The following TENM3 variants were observed in gnomAD, a reference collection of about 807,000 sequenced individuals.
The protein encoded by TENM3 is teneurin-3.
In TENM3, 63 loss-of-function variants were observed where a neutral mutation model predicts 255.1. That is an observed-to-expected ratio of 0.25 (90% confidence interval 0.20 to 0.30). TENM3 has a LOEUF of 0.30. TENM3 is among the 10% of genes least tolerant of loss of function. The probability of loss-of-function intolerance (pLI) is 1.00; values close to 1 mark genes in which losing one functional copy is unlikely to be tolerated. For missense variants in TENM3, 2,929 were observed against 3,461.1 expected, an observed-to-expected ratio of 0.85 and a Z score of 3.86; for synonymous variants, 1,306 against 1,322.3, an observed-to-expected ratio of 0.99 and a Z score of 0.27.
chr4:182,170,347 A>G (rs375831494), intron 1 of TENM3, among the ~76,000 whole-genome samples: 5 of 152,086 alleles, frequency 3.3e-5, no homozygotes, highest in African/African-American at 1.2e-4. Flanking sequence ...GCATTTAGCT[A>G]TTGTCTAAAC....
intron 22 of TENM3, among the ~76,000 whole-genome samples, chr4:182,771,675 T>C (rs889212077): frequency 6.6e-6 from 1 of 152,216 alleles, no homozygotes; most frequent in African/African-American, 2.4e-5. Context: ...TCAATAATTC[T>C]GTAACTCTGC....
chr4:182,050,471 TAAG>T, the TENM3 span, among the ~76,000 whole-genome samples: 1 of 152,026 alleles, frequency 6.6e-6, no homozygotes, highest in Admixed American at 6.5e-5. Context: ...CTGTGAAAAT[TAAG>T]AGGAGGAAAG....
At chr4:182,526,902 ATAT>A (rs1310290034) in intron 3 of TENM3, among the ~76,000 whole-genome samples, 1 of 152,168 alleles carries the variant, frequency 6.6e-6, no homozygotes, top group Non-Finnish European at 1.5e-5. Flanking sequence ...ACTATATGTA[ATAT>A]TATTGGTTAC....
At chr4:182,214,976 C>T (rs1008308779) in intron 1 of TENM3, among the ~76,000 whole-genome samples, 8 of 152,124 alleles carry the variant, frequency 5.3e-5, no homozygotes, top group African/African-American at 1.7e-4. Context: ...TTAACAAAAT[C>T]GTGGCACACA....
chr4:181,658,123 A>G, the TENM3 span, among the ~76,000 whole-genome samples: 3 of 152,176 alleles, frequency 2.0e-5, no homozygotes, highest in Non-Finnish European at 4.4e-5. Context: ...AAACCTGCAC[A>G]TGTACTCTCT....
At chr4:182,228,187 T>C (rs1022209371) in intron 1 of TENM3, among the ~76,000 whole-genome samples, 1 of 151,924 alleles carries the variant, frequency 6.6e-6, no homozygotes, top group Non-Finnish European at 1.5e-5. Context: ...GTTAATAATG[T>C]TGTATTGTGG....
intron 1 of TENM3, among the ~76,000 whole-genome samples, chr4:182,159,696 C>T (rs1324142248): frequency 6.6e-6 from 1 of 152,060 alleles, no homozygotes; most frequent in African/African-American, 2.4e-5. Flanking sequence ...TCAAGGGGAA[C>T]GGGAGCTGAG....
At chr4:182,129,759 A>C in the TENM3 span, among the ~76,000 whole-genome samples, 1 of 152,158 alleles carries the variant, frequency 6.6e-6, no homozygotes, top group Admixed American at 6.5e-5. Context: ...GTAAATAATA[A>C]ATTAAGAAAA....
At chr4:182,148,678 G>C (rs1750124926) in intron 1 of TENM3, among the ~76,000 whole-genome samples, 1 of 152,014 alleles carries the variant, frequency 6.6e-6, no homozygotes, top group Non-Finnish European at 1.5e-5. Context: ...TCATAAGATG[G>C]TGTAATCCTG....
the TENM3 span, among the ~76,000 whole-genome samples, chr4:181,703,698 A>G: frequency 2.0e-5 from 3 of 152,110 alleles, no homozygotes; most frequent in Admixed American, 6.5e-5. Flanking sequence ...GAGCAGGTGG[A>G]AGCAATGTCT....
chr4:182,651,033 A>G (rs941356526), intron 5 of TENM3, among the ~76,000 whole-genome samples: 2 of 151,882 alleles, frequency 1.3e-5, no homozygotes, highest in African/African-American at 2.4e-5. Flanking sequence ...GATTATGTCT[A>G]CTCTTCAAAA....
upstream of TENM3, among the ~76,000 whole-genome samples, chr4:182,241,594 A>G (rs1579857255): frequency 7.2e-6 from 1 of 138,698 alleles, no homozygotes; most frequent in South Asian, 2.2e-4. Context: ...GCTCACTGCA[A>G]CCTCCGCCTC....
chr4:182,391,229 G>A (rs938693986), intron 3 of TENM3, among the ~76,000 whole-genome samples: 4 of 151,342 alleles, frequency 2.6e-5, no homozygotes, highest in Admixed American at 6.6e-5. Context: ...ATGCCCATCC[G>A]TGCCCATGAC....
chr4:182,466,659 CT>C (rs1393609502), intron 3 of TENM3, among the ~76,000 whole-genome samples: 1 of 152,100 alleles, frequency 6.6e-6, no homozygotes, highest in East Asian at 1.9e-4. Flanking sequence ...TATAAGAACC[CT>C]GTCTTTGGAT....
the TENM3 span, among the ~76,000 whole-genome samples, chr4:181,965,406 T>A: frequency 1.3e-5 from 2 of 152,196 alleles, no homozygotes; most frequent in Non-Finnish European, 2.9e-5. Flanking sequence ...ATATTGCCGA[T>A]CTGGGTTCAT....
chr4:181,693,180 A>G, the TENM3 span, among the ~76,000 whole-genome samples: 2 of 152,332 alleles, frequency 1.3e-5, no homozygotes, highest in Admixed American at 1.3e-4. Flanking sequence ...CTCCTGTATA[A>G]CTATTTTAAC....
chr4:181,862,285 G>T, the TENM3 span, among the ~76,000 whole-genome samples: 3 of 151,916 alleles, frequency 2.0e-5, no homozygotes, highest in African/African-American at 7.2e-5. Context: ...GCATGTAAAA[G>T]AGCTTAGGGT....
intron 3 of TENM3, among the ~76,000 whole-genome samples, chr4:182,442,363 A>C (rs1772554255): frequency 6.6e-6 from 1 of 152,290 alleles, no homozygotes; most frequent in South Asian, 2.1e-4. Context: ...TAAATTGTAA[A>C]GGGTTAATAT....
chr4:182,494,671 G>A (rs943366468), intron 3 of TENM3, among the ~76,000 whole-genome samples: 2 of 152,126 alleles, frequency 1.3e-5, no homozygotes, highest in East Asian at 3.9e-4. Context: ...AAAAGAAACA[G>A]CAGTATAAAG....
Sources: gnomAD v4.1 joint callset for allele counts (sites outside exome capture counted in the v4.1 genomes callset) on GRCh38, gnomAD v4.1.1 for gene constraint, MANE v1.5 for transcripts, NCBI Gene and HGNC (gene_info 2026-07-23, HGNC 2026-07-21) for gene names.